NELL2: variants seen among roughly 807,000 people sequenced by gnomAD.
NELL2 encodes the protein neural EGFL like 2.
NELL2 carries 41 observed loss-of-function variants against 109.6 expected under a neutral mutation model. That is an observed-to-expected ratio of 0.37 (90% CI 0.29 to 0.49). The LOEUF is 0.49. Ranked by LOEUF, NELL2 falls within the 20% of genes least tolerant of loss-of-function variation. The probability of loss-of-function intolerance (pLI) is 0.98; values close to 1 mark genes in which losing one functional copy is unlikely to be tolerated. For synonymous variants in NELL2, 355 were observed against 344.7 expected, an observed-to-expected ratio of 1.03 and a Z score of -0.33; for missense variants, 900 against 1,008.3, an observed-to-expected ratio of 0.89 and a Z score of 1.45.
chr12:44,881,246 T>C (rs1474789278), upstream of NELL2, among the ~76,000 whole-genome samples: 1 of 151,946 alleles, frequency 6.6e-6, no homozygotes, highest in Non-Finnish European at 1.5e-5. Flanking sequence ...TATGGAGAAC[T>C]AGAAAAACTT....
At chr12:44,860,451 C>T (rs564229160) in intron 2 of NELL2, among the ~76,000 whole-genome samples, 1 of 152,326 alleles carries the variant, frequency 6.6e-6, no homozygotes, top group Admixed American at 6.5e-5. Flanking sequence ...ATGGGTCTCC[C>T]TAAGCAGACA....
At chr12:44,600,987 G>C (rs555503602) in intron 15 of NELL2, among the ~76,000 whole-genome samples, 2 of 152,102 alleles carry the variant, frequency 1.3e-5, no homozygotes, top group East Asian at 3.9e-4. Context: ...AGGGAATAGG[G>C]ATCCTGCGAA....
intron 3 of NELL2, among the ~76,000 whole-genome samples, chr12:44,809,690 C>T (rs555623703): frequency 2.6e-5 from 4 of 151,936 alleles, no homozygotes; most frequent in Non-Finnish European, 5.9e-5. Context: ...ATGGAGTTCC[C>T]GGGAGTTTCA....
upstream of NELL2, among the ~76,000 whole-genome samples, chr12:44,879,069 G>A (rs74347358): frequency 0.021 from 3,134 of 152,200 alleles, 109 homozygotes; most frequent in East Asian, 0.18. Flanking sequence ...CATAAGAGGA[G>A]GTCAGATTAA....
intron 15 of NELL2, among the ~76,000 whole-genome samples, chr12:44,605,413 A>G (rs1301402448): frequency 6.6e-6 from 1 of 152,158 alleles, no homozygotes; most frequent in Non-Finnish European, 1.5e-5. Flanking sequence ...TTGAGTCCAC[A>G]TCTGTTCTCA....
intron 15 of NELL2, among the ~76,000 whole-genome samples, chr12:44,539,280 C>T (rs1942433773): frequency 5.3e-5 from 8 of 151,912 alleles, no homozygotes; most frequent in Non-Finnish European, 1.5e-5. Flanking sequence ...GCTTTTTGTC[C>T]TTCCAAATAA....
chr12:44,855,284 G>C (rs1212087978), intron 2 of NELL2, among the ~76,000 whole-genome samples: 4 of 152,076 alleles, frequency 2.6e-5, no homozygotes, highest in Admixed American at 2.6e-4. Flanking sequence ...TAGATTCCTG[G>C]GATTCATCCC....
intron 13 of NELL2, among the ~76,000 whole-genome samples, chr12:44,613,183 G>A (rs1945690425): frequency 6.6e-6 from 1 of 152,028 alleles, no homozygotes; most frequent in Admixed American, 6.6e-5. Context: ...CTCCTACAGA[G>A]TTAGGGGCTG....
chr12:44,604,336 T>C (rs1210252051), intron 15 of NELL2, among the ~76,000 whole-genome samples: 1 of 152,124 alleles, frequency 6.6e-6, no homozygotes, highest in African/African-American at 2.4e-5. Context: ...ACCCAAGTTC[T>C]AGAATGTAGA....
Position 44,607,195 on chromosome 12 carries a change from C to A in NELL2, c.1637G>T (p.Gly546Val). 1 of 1,612,390 alleles carries A rather than the reference C, an allele frequency of 6.2e-7. No homozygotes were observed. The highest frequency in any genetic ancestry group is 1.7e-5 in the Admixed American group (1 of 59,786). Residue 546 changes from glycine to valine, a missense_variant, in exon 15 of 20, where the codon GGC (glycine) becomes GTC (valine). This residue lies in a region of NELL2 where 333 missense variants were observed against 432.3 expected (regional missense o/e 0.77). Transcript: ENST00000429094. ...CGTTTCACAGCTGGGTCCAGTGAAG[C>A]CTTGTGGGCAGGCACACACATTAGC... Reference protein sequence around the residue: ...IAANVCACPQGFTGPSCETDI... With the variant: ...IAANVCACPQVFTGPSCETDI...
At chr12:44,904,023 C>T (rs932939956) in intron 1 of NELL2, among the ~76,000 whole-genome samples, 1 of 151,660 alleles carries the variant, frequency 6.6e-6, no homozygotes, top group Admixed American at 6.6e-5. Context: ...GTATCCCAAA[C>T]TTAAAATATA....
At chr12:44,759,808 A>C (rs990822703) in intron 9 of NELL2, among the ~76,000 whole-genome samples, 2 of 152,328 alleles carry the variant, frequency 1.3e-5, no homozygotes, top group Non-Finnish European at 2.9e-5. Flanking sequence ...CCTCCCATTT[A>C]GAGTGTTTAT....
chr12:44,826,900 A>G (rs562002219), intron 2 of NELL2, among the ~76,000 whole-genome samples: 38 of 149,514 alleles, frequency 2.5e-4, no homozygotes, highest in Admixed American at 1.6e-3. Context: ...AACCTTTATA[A>G]AAGTATATTC....
At chr12:44,852,973 A>C (rs780747697) in intron 2 of NELL2, among the ~76,000 whole-genome samples, 11 of 152,148 alleles carry the variant, frequency 7.2e-5, no homozygotes, top group Non-Finnish European at 1.5e-4. Flanking sequence ...ATTGACCTCT[A>C]CATCAGAGGC....
intron 15 of NELL2, among the ~76,000 whole-genome samples, chr12:44,566,074 G>T (rs1943646482): frequency 6.6e-6 from 1 of 152,180 alleles, no homozygotes; most frequent in South Asian, 2.1e-4. Flanking sequence ...TAGTTCAGAT[G>T]AGGGATGATA....
intron 3 of NELL2, among the ~76,000 whole-genome samples, chr12:44,803,298 G>T (rs1188220086): frequency 6.6e-6 from 1 of 152,036 alleles, no homozygotes; most frequent in Non-Finnish European, 1.5e-5. Context: ...GGGCCAAGAA[G>T]AAAGAGTTTA....
intron 12 of NELL2, among the ~76,000 whole-genome samples, chr12:44,674,145 A>T (rs780040148): frequency 6.6e-6 from 1 of 152,256 alleles, no homozygotes; most frequent in East Asian, 1.9e-4. Flanking sequence ...CACAGTGCTT[A>T]TTTGTTCTGA....
intron 12 of NELL2, among the ~76,000 whole-genome samples, chr12:44,697,830 C>T (rs1439907350): frequency 6.6e-6 from 1 of 152,182 alleles, no homozygotes; most frequent in East Asian, 1.9e-4. Context: ...TAAAGTACCA[C>T]AAACTGGGTG....
intron 13 of NELL2, among the ~76,000 whole-genome samples, chr12:44,643,240 G>A (rs1946927697): frequency 6.6e-6 from 1 of 152,128 alleles, no homozygotes; most frequent in Non-Finnish European, 1.5e-5. Context: ...TGAAATTCTA[G>A]AAAGAGCTAA....
Sources: gnomAD v4.1 joint callset for allele counts (sites outside exome capture counted in the v4.1 genomes callset) on GRCh38, gnomAD v4.1.1 for gene constraint, gnomAD v4.1.1 regional missense constraint, MANE v1.5 for transcripts, NCBI Gene and HGNC (gene_info 2026-07-23, HGNC 2026-07-21) for gene names.